PHACTR1: variants seen among roughly 807,000 people sequenced by gnomAD.
PHACTR1 encodes phosphatase and actin regulator 1, also known as RPEL repeat containing 1.
Under a neutral mutation model 69.2 loss-of-function variants are expected in PHACTR1, and 16 were observed. The observed-to-expected ratio is 0.23, with a 90% CI of 0.16 to 0.35. The LOEUF (loss-of-function observed/expected upper bound fraction) is 0.35, where lower values mean the gene tolerates loss of function less well. Ranked by LOEUF, PHACTR1 falls within the 10% of genes least tolerant of loss-of-function variation. The pLI, the probability that PHACTR1 is intolerant of heterozygous loss-of-function variation, is 1.00. For missense variants in PHACTR1, 510 were observed against 734.7 expected, an observed-to-expected ratio of 0.69 and a Z score of 3.54; for synonymous variants, 312 against 284.5, an observed-to-expected ratio of 1.10 and a Z score of -0.97.
At position 13,156,959 on chromosome 6, in the gene PHACTR1, A is replaced by T. The variant is rs574692741; in HGVS notation, c.416-3245A>T. On this transcript the variant is annotated intron_variant, in intron 5 of 14. Coordinates refer to ENST00000332995, the MANE Select transcript of PHACTR1 (RefSeq NM_030948.6). ...CCTGCCTAGATGCCTGTAATCACCT[A>T]GTCATTGGCCTCTTTCCAATCCATT... 1.4e-4 allele frequency among the ~76,000 whole-genome samples: 22 copies of T among 152,270 alleles called. No homozygotes were observed. In the South Asian group the frequency reaches 4.6e-3, roughly 32 times the overall value.
intron 4 of PHACTR1, among the ~76,000 whole-genome samples, chr6:12,765,637 C>T (rs1394346549): frequency 2.0e-5 from 3 of 152,186 alleles, no homozygotes; most frequent in Admixed American, 6.5e-5. Context: ...CCCCTCAGAG[C>T]TGCCTACAAG....
At chr6:13,253,786 T>C (rs1254963817) in intron 10 of PHACTR1, among the ~76,000 whole-genome samples, 1 of 152,222 alleles carries the variant, frequency 6.6e-6, no homozygotes, top group African/African-American at 2.4e-5. Flanking sequence ...GTCAGCTGCA[T>C]GGACGTGGAC....
At chr6:13,137,615 A>G (rs993339039) in intron 5 of PHACTR1, among the ~76,000 whole-genome samples, 1 of 152,242 alleles carries the variant, frequency 6.6e-6, no homozygotes, top group African/African-American at 2.4e-5. Flanking sequence ...TGTTGTTTGA[A>G]TCCCATGCAA....
At chr6:13,136,840 A>G (rs533344588) in intron 5 of PHACTR1, among the ~76,000 whole-genome samples, 5 of 152,326 alleles carry the variant, frequency 3.3e-5, no homozygotes, top group Non-Finnish European at 4.4e-5. Flanking sequence ...TCATTTATCA[A>G]TTAAGTTCAC....
In PHACTR1 at chr6:12,916,126, T is replaced by C. The variant is rs554422477; in HGVS notation, c.251-137239T>C. 2.6e-5 allele frequency among the ~76,000 whole-genome samples: 4 copies of C among 152,214 alleles called. No homozygotes were observed. The East Asian group carries it at 7.7e-4, about 29-fold the overall frequency. ...CAGTTTTCCATAAGCCTAAAACTGC[T>C]CCAAAAACTAGTTTATTAACTTAAA... On this transcript the variant is annotated intron_variant, in intron 4 of 14. Coordinates refer to ENST00000332995, the MANE Select transcript of PHACTR1 (RefSeq NM_030948.6).
chr6:13,097,282 T>C (rs984357346), intron 5 of PHACTR1, among the ~76,000 whole-genome samples: 6 of 152,238 alleles, frequency 3.9e-5, no homozygotes, highest in Non-Finnish European at 7.3e-5. Context: ...TTAAGGTGGA[T>C]ATATTTCTTA....
At chr6:13,269,609 T>C (rs1187175723) in intron 10 of PHACTR1, among the ~76,000 whole-genome samples, 1 of 152,106 alleles carries the variant, frequency 6.6e-6, no homozygotes, top group Non-Finnish European at 1.5e-5. Context: ...AGCAGGTGGA[T>C]CACCTAAGGT....
At chr6:13,089,711 G>C (rs565400301) in intron 5 of PHACTR1, among the ~76,000 whole-genome samples, 1 of 152,270 alleles carries the variant, frequency 6.6e-6, no homozygotes, top group East Asian at 1.9e-4. Context: ...TCTGGTTCGC[G>C]TCCTACTAGC....
chr6:12,981,389 CT>C (rs1362718711), intron 4 of PHACTR1, among the ~76,000 whole-genome samples: 1 of 152,186 alleles, frequency 6.6e-6, no homozygotes, highest in Non-Finnish European at 1.5e-5. Flanking sequence ...TTGGCATATT[CT>C]GATTACTACC....
At chr6:13,205,744 G>C in intron 7 of PHACTR1, 71 bp from the exon 8 acceptor site, 2 of 1,388,508 alleles carry the variant, frequency 1.4e-6, no homozygotes, top group South Asian at 1.3e-5. Flanking sequence ...CCAGGTGAGC[G>C]CATCTGGTGT....
chr6:12,851,161 GA>G (rs1779789084), intron 4 of PHACTR1, among the ~76,000 whole-genome samples: 1 of 152,198 alleles, frequency 6.6e-6, no homozygotes, highest in African/African-American at 2.4e-5. Context: ...AATAGATTTA[GA>G]AAATCGGACA....
chr6:12,749,047 A>G (rs1175918790), intron 3 of PHACTR1, among the ~76,000 whole-genome samples: 1 of 152,216 alleles, frequency 6.6e-6, no homozygotes, highest in Non-Finnish European at 1.5e-5. Flanking sequence ...GCTGGGCACA[A>G]TGCCCTCCTC....
intron 4 of PHACTR1, among the ~76,000 whole-genome samples, chr6:12,974,209 C>T (rs753671254): frequency 5.3e-5 from 8 of 152,110 alleles, no homozygotes; most frequent in Non-Finnish European, 1.0e-4. Flanking sequence ...TGTGAACCAC[C>T]GTGCCTGGCC....
intron 10 of PHACTR1, among the ~76,000 whole-genome samples, chr6:13,260,035 C>T (rs1009069355): frequency 8.5e-5 from 13 of 152,202 alleles, no homozygotes; most frequent in African/African-American, 3.1e-4. Flanking sequence ...CATTCTCATT[C>T]ATCCCATGGG....
chr6:12,729,932 T>C (rs1007170060), intron 3 of PHACTR1, among the ~76,000 whole-genome samples: 3 of 152,138 alleles, frequency 2.0e-5, no homozygotes, highest in African/African-American at 7.2e-5. Context: ...ACATGTTGTA[T>C]TTGGGCCTGC....
At chr6:12,973,459 A>C (rs1184107853) in intron 4 of PHACTR1, among the ~76,000 whole-genome samples, 1 of 152,228 alleles carries the variant, frequency 6.6e-6, no homozygotes, top group Non-Finnish European at 1.5e-5. Context: ...GCCCTCAGAG[A>C]GGTCTCATGA....
At chr6:13,123,999 G>C (rs1464395463) in intron 5 of PHACTR1, among the ~76,000 whole-genome samples, 1 of 152,188 alleles carries the variant, frequency 6.6e-6, no homozygotes, top group Non-Finnish European at 1.5e-5. Flanking sequence ...TCTTAGCTGG[G>C]TGGGGGATGC....
intron 4 of PHACTR1, among the ~76,000 whole-genome samples, chr6:12,889,109 G>A (rs752564145): frequency 1.1e-4 from 16 of 151,960 alleles, no homozygotes; most frequent in Admixed American, 1.0e-3. Flanking sequence ...CCTGTCTCTA[G>A]AAAAAATCAA....
At chr6:13,141,668 T>G (rs535258326) in intron 5 of PHACTR1, among the ~76,000 whole-genome samples, 2 of 152,120 alleles carry the variant, frequency 1.3e-5, no homozygotes, top group East Asian at 3.9e-4. Flanking sequence ...AGCACTGTGC[T>G]TTTAGACCTT....
Sources: gnomAD v4.1 joint callset for allele counts (sites outside exome capture counted in the v4.1 genomes callset) on GRCh38, gnomAD v4.1.1 for gene constraint, MANE v1.5 for transcripts, NCBI Gene and HGNC (gene_info 2026-07-23, HGNC 2026-07-21) for gene names.